Variants in POU6F1 observed in about 807,000 individuals in gnomAD.
POU6F1 encodes the protein POU domain, class 6, transcription factor 1.
In POU6F1, 9 loss-of-function variants were observed where a neutral mutation model predicts 28.9. The ratio of observed to expected loss-of-function variants is 0.31; its 90% CI spans 0.19 to 0.54. The LOEUF is 0.54. POU6F1 is among the 20% of genes least tolerant of loss of function. POU6F1 has a pLI of 0.94. For missense variants in POU6F1, 338 were observed against 426.1 expected (o/e 0.79, Z 1.82); for synonymous variants, 173 against 171.1 (o/e 1.01, Z -0.09).
At chr12:51,201,500 A>G (rs1943200852) in intron 3 of POU6F1, among the ~76,000 whole-genome samples, 1 of 151,492 alleles carries the variant, frequency 6.6e-6, no homozygotes, top group African/African-American at 2.4e-5. Flanking sequence ...CAACAAAACA[A>G]GATGCTATCT....
At chr12:51,200,222 T>C (rs1943120396) in intron 3 of POU6F1, among the ~76,000 whole-genome samples, 1 of 152,106 alleles carries the variant, frequency 6.6e-6, no homozygotes, top group Non-Finnish European at 1.5e-5. Flanking sequence ...CACACGTGTG[T>C]CAGGGAGGGC....
chr12:51,190,422 T>TG lies in POU6F1; in HGVS notation c.1660dup (p.Gln554ProfsTer11). 6.2e-7 allele frequency: 1 copy of TG among 1,614,042 alleles called. No individual in the cohort carries two copies. Among genetic ancestry groups the TG allele is most frequent in the Non-Finnish European group, 8.5e-7 (1 of 1,180,000 alleles). On this transcript the variant is annotated frameshift_variant, in exon 11 of 11. Transcript: ENST00000333640. LOFTEE classifies it high-confidence loss of function. This position sits in a 1 kb window ranked among gnomAD's most constrained non-coding sequence, Gnocchi z 4.5. ...ATAGGCATTGAGAGCCTCTATGGCC[T>TG]GGGGGGTGAAGGAGGTGCGGCGTTT... is the stretch of plus-strand genomic sequence containing the variant.
chr12:51,191,574 T>C lies in POU6F1; in HGVS notation c.1490+22A>G, dbSNP rs1290708561. 2.5e-6 allele frequency: 4 copies of C among 1,608,044 alleles called. No individual in the cohort carries two copies. The South Asian group carries it at 3.3e-5, about 13-fold the overall frequency. ...CAGGCAGCTGAGCAGGCCCTAATCC[T>C]GTCTAGGGCAGCCTTACTCACCGGC... On this transcript the variant is annotated intron_variant, in intron 10 of 10. Transcript: ENST00000333640.
At chr12:51,197,508 C>T (rs1942914566) in intron 6 of POU6F1, among the ~76,000 whole-genome samples, 1 of 152,212 alleles carries the variant, frequency 6.6e-6, no homozygotes, top group South Asian at 2.1e-4. Context: ...CAGACGTCAT[C>T]CCACCCTCCA....
intron 9 of POU6F1, 76 bp downstream of exon 9, chr12:51,192,254 G>C (rs1011096354): frequency 2.6e-6 from 4 of 1,539,110 alleles, no homozygotes; most frequent in Non-Finnish European, 3.5e-6. Context: ...ATCAAGGAAA[G>C]CAGCATCTGA....
intron 8 of POU6F1, among the ~76,000 whole-genome samples, chr12:51,194,233 G>A (rs529633244): frequency 6.6e-6 from 1 of 152,120 alleles, no homozygotes; most frequent in South Asian, 2.1e-4. Context: ...CACCATGTTG[G>A]GCAGGCTGGT....
intron 2 of POU6F1, among the ~76,000 whole-genome samples, chr12:51,205,336 G>A (rs929123203): frequency 3.9e-5 from 6 of 152,144 alleles, no homozygotes; most frequent in Admixed American, 1.3e-4. Context: ...CACCACGCCC[G>A]GCCTGACTGC....
At position 51,196,085 on chromosome 12, in the gene POU6F1, G is replaced by A. The variant is rs761137767; in HGVS notation, c.1064C>T (p.Pro355Leu). ...GCCCTGGGCGTTCAACAACAGCTGGGGGGTCACGGCCTGGACCTGCAGGCT... is the reference window on the plus strand; with the variant it reads ...GCCCTGGGCGTTCAACAACAGCTGGAGGGTCACGGCCTGGACCTGCAGGCT... Reference protein sequence around the residue: ...AQSLQVQAVTPQLLLNAQGQV... With the variant: ...AQSLQVQAVTLQLLLNAQGQV... The change falls in exon 8 of 11, where the codon CCC (proline) becomes CTC (leucine). Residue 355 changes from proline to leucine, a missense_variant. This residue lies in a region of POU6F1 where 206 missense variants were observed against 225.6 expected (regional missense o/e 0.91). Transcript: ENST00000333640. 20 of 1,606,080 alleles carry A rather than the reference G, an allele frequency of 1.2e-5. No homozygotes were observed. The Admixed American group carries it at 3.2e-4, about 26-fold the overall frequency.
Position 51,189,408 on chromosome 12 carries a change from T to C in POU6F1, c.*839A>G, listed in dbSNP as rs913843111. 2 of 152,180 alleles carry C rather than the reference T, an allele frequency of 1.3e-5. No individual in the cohort carries two copies. The highest frequency in any genetic ancestry group is 2.9e-5 in the Non-Finnish European group (2 of 68,040). 9.4% of individuals were successfully genotyped at this position (152,180 alleles called of 1,614,324 possible). The stretch of plus-strand genomic sequence containing the variant: ...CAAGTTCTCTTAACCCACGTTTTTT[T>C]GTGGGAGGGATGGCCATTGACAGAG... On this transcript the variant is annotated 3_prime_UTR_variant, in exon 11 of 11. Transcript: ENST00000333640.
chr12:51,192,849 G>A (rs1942522330), intron 8 of POU6F1, among the ~76,000 whole-genome samples: 1 of 151,628 alleles, frequency 6.6e-6, no homozygotes, highest in East Asian at 1.9e-4. Context: ...AGGTTGCAAT[G>A]AGCCAAGATC....
chr12:51,198,331 C>T (rs760554726), intron 5 of POU6F1, among the ~76,000 whole-genome samples: 17 of 152,154 alleles, frequency 1.1e-4, no homozygotes, highest in South Asian at 2.1e-4. Context: ...GACAGCTGGC[C>T]GAAGTACGGC....
chr12:51,202,413 C>T (rs1943280629), intron 3 of POU6F1: 1 of 152,352 alleles, frequency 6.6e-6, no homozygotes, highest in African/African-American at 2.4e-5. Context: ...CAACCTCTGC[C>T]TCCCGGGTTC....
intron 2 of POU6F1, among the ~76,000 whole-genome samples, chr12:51,205,753 A>G (rs2137183982): frequency 6.6e-6 from 1 of 152,094 alleles, no homozygotes; most frequent in South Asian, 2.1e-4. Flanking sequence ...GTGCTGCCCC[A>G]GCTTGCCCTA....
intron 1 of POU6F1, among the ~76,000 whole-genome samples, chr12:51,215,691 C>T (rs977685151): frequency 2.0e-5 from 3 of 152,044 alleles, no homozygotes; most frequent in African/African-American, 7.2e-5. Flanking sequence ...GCCAGTTTCT[C>T]CTGCATCCCA....
chr12:51,192,457 C>T lies in POU6F1; in HGVS notation c.1194G>A (p.Gln398=). 1.2e-6 allele frequency: 2 copies of T among 1,613,206 alleles called. No individual in the cohort carries two copies. The highest frequency in any genetic ancestry group is 1.7e-6 in the Non-Finnish European group (2 of 1,179,958). The change falls in exon 9 of 11, where the codon CAG becomes CAA. Residue 398 remains glutamine (Q), a synonymous_variant. Coordinates refer to ENST00000333640, the MANE Select transcript of POU6F1 (RefSeq NM_001330422.2). ...SPAKSEVQPI[Q]PTPTVPQPAV... is the part of the protein sequence containing the mutation. ...CAGGCTGGGGCACGGTTGGTGTGGG[C>T]TGGATGGGCTGCACCTGTGAAAGGA...
At chr12:51,197,043 T>C (rs1462197791) in intron 6 of POU6F1, 116 bp from the exon 7 acceptor site, 2 of 603,546 alleles carry the variant, frequency 3.3e-6, no homozygotes, top group South Asian at 2.0e-5. Context: ...TTCAGGCCCA[T>C]GTCTACCGGC....
chr12:51,204,454 G>A (rs1943439615), intron 2 of POU6F1, 86 bp from the exon 3 acceptor site: 1 of 397,992 alleles, frequency 2.5e-6, no homozygotes, highest in South Asian at 1.4e-4. Context: ...TGGGGAGAGA[G>A]GGGAGGGCAC....
intron 1 of POU6F1, among the ~76,000 whole-genome samples, chr12:51,214,159 AAAATAAAT>A (rs568751694): frequency 1.3e-5 from 2 of 151,820 alleles, no homozygotes; most frequent in East Asian, 1.9e-4. Flanking sequence ...TAAATAAATA[AAAATAAAT>A]AAATAAATAA....
In POU6F1 at chr12:51,199,713, G is replaced by A. The variant is rs1211065174; in HGVS notation, c.366+34C>T. On this transcript the variant is annotated intron_variant, in intron 4 of 10. Transcript: ENST00000333640. This position sits in a 1 kb window ranked among gnomAD's most constrained non-coding sequence, Gnocchi z 4.1. ...TGTCCCATGCCTCGCTCCTGCCCCC[G>A]GCCTTCTGTCCAGCTCCCGAGGGCA... is the stretch of plus-strand genomic sequence containing the variant. The A allele has an allele frequency of 7.5e-6, 3 of 399,008 alleles. No homozygotes were observed. The highest frequency in any genetic ancestry group is 4.4e-5 in the Admixed American group (1 of 22,710). 24.7% of individuals were successfully genotyped at this position (399,008 alleles called of 1,614,324 possible).
Sources: gnomAD v4.1 joint callset for allele counts (sites outside exome capture counted in the v4.1 genomes callset) on GRCh38, gnomAD v4.1.1 for gene constraint, gnomAD v4.1.1 regional missense constraint, Gnocchi (gnomAD v3.1) non-coding constraint, MANE v1.5 for transcripts, NCBI Gene and HGNC (gene_info 2026-07-23, HGNC 2026-07-21) for gene names.